AFAP1: variants seen among roughly 807,000 people sequenced by gnomAD.
AFAP1 encodes actin filament-associated protein 1.
AFAP1 carries 75 observed loss-of-function variants against 93.9 expected under a neutral mutation model. The ratio of observed to expected loss-of-function variants is 0.80; its 90% CI spans 0.66 to 0.97. The LOEUF (loss-of-function observed/expected upper bound fraction) is 0.97, where lower values mean the gene tolerates loss of function less well. Ranked by LOEUF, AFAP1 falls within the 50% of genes least tolerant of loss-of-function variation. The pLI is 0.00. For synonymous variants in AFAP1, 517 were observed against 430.7 expected, an observed-to-expected ratio of 1.20 and a Z score of -2.48; for missense variants, 1,201 against 1,050.8, an observed-to-expected ratio of 1.14 and a Z score of -1.98.
At chr4:7,899,673 G>A (rs4411970) in intron 1 of AFAP1, among the ~76,000 whole-genome samples, 19,255 of 152,116 alleles carry the variant, frequency 0.13, 1,402 homozygotes, top group Non-Finnish European at 0.17. Flanking sequence ...CCTGTTAATT[G>A]TGAAGGTGGC....
intron 1 of AFAP1, among the ~76,000 whole-genome samples, chr4:7,927,263 T>C (rs760200465): frequency 5.3e-5 from 8 of 152,068 alleles, no homozygotes; most frequent in Non-Finnish European, 7.4e-5. Flanking sequence ...AGCCCTAAGG[T>C]TTGGGTGTGC....
chr4:7,895,676 T>C (rs906795474), intron 1 of AFAP1, among the ~76,000 whole-genome samples: 1 of 152,124 alleles, frequency 6.6e-6, no homozygotes, highest in African/African-American at 2.4e-5. Context: ...CTCTCAGGAC[T>C]CAAGGACAGA....
At chr4:7,808,470 G>A (rs563430102) in intron 9 of AFAP1, among the ~76,000 whole-genome samples, 1 of 152,254 alleles carries the variant, frequency 6.6e-6, no homozygotes, top group Admixed American at 6.5e-5. Flanking sequence ...GCCATGGGGG[G>A]CCAGGGCTGT....
intron 4 of AFAP1, among the ~76,000 whole-genome samples, chr4:7,850,006 G>C (rs142180050): frequency 0.012 from 1,902 of 152,270 alleles, 25 homozygotes; most frequent in Admixed American, 0.024. Context: ...GTAAAGGGAC[G>C]AGGAGAGAAG....
intron 1 of AFAP1, among the ~76,000 whole-genome samples, chr4:7,896,833 C>A (rs1167618171): frequency 4.0e-5 from 6 of 150,906 alleles, no homozygotes; most frequent in Non-Finnish European, 5.9e-5. Context: ...ACTTCCCCCA[C>A]ACCCAATGCT....
intron 8 of AFAP1, among the ~76,000 whole-genome samples, chr4:7,812,222 CAG>C (rs1720106758): frequency 6.6e-6 from 1 of 152,076 alleles, no homozygotes. Context: ...ACCTGTTGGC[CAG>C]GACAGCCCGA....
At position 7,761,219 on chromosome 4, in the gene AFAP1, G is replaced by A. The variant is rs1455062467; in HGVS notation, c.*2546C>T. 1.3e-5 allele frequency: 2 copies of A among 152,238 alleles called. No homozygotes were observed. Among genetic ancestry groups the A allele is most frequent in the Non-Finnish European group, 2.9e-5 (2 of 68,044 alleles). The allele number at this position is 152,238 out of a possible 1,614,324, so 9.4% of individuals were successfully genotyped here. A position where few individuals can be genotyped will look rare whatever the true frequency, so the allele number is the denominator to read the frequency against. Reference sequence around the variant, plus strand: ...TGAAGTAAATGCTTTAAACTTTGATGGAATGTGAAATTTCAAGGGAGTATC... The same window carrying A: ...TGAAGTAAATGCTTTAAACTTTGATAGAATGTGAAATTTCAAGGGAGTATC... On this transcript the variant is annotated 3_prime_UTR_variant, in exon 18 of 18. Coordinates refer to ENST00000420658, the MANE Select transcript of AFAP1 (RefSeq NM_001134647.2).
In AFAP1 at chr4:7,786,257, G is replaced by A. The variant is rs778801317; in HGVS notation, c.1467C>T (p.Asn489=). ...CCGTCCCGCTGGGGTGGGCATAGCC[G>A]TTGGAGGTGCCCCCTAGATATGGGT... ...SANPYLGGTS[N]GYAHPSGTAL... Residue 489 remains asparagine, a synonymous_variant, in exon 12 of 18, where the codon AAC becomes AAT. Coordinates refer to ENST00000420658, the MANE Select transcript of AFAP1 (RefSeq NM_001134647.2). The A allele has an allele frequency of 7.7e-5, 124 of 1,614,168 alleles. No homozygotes were observed. Among genetic ancestry groups the A allele is most frequent in the Non-Finnish European group, 9.1e-5 (107 of 1,180,030 alleles).
intron 4 of AFAP1, among the ~76,000 whole-genome samples, chr4:7,853,888 C>T (rs1560200685): frequency 6.6e-6 from 1 of 152,126 alleles, no homozygotes; most frequent in African/African-American, 2.4e-5. Context: ...TCTCCTCATT[C>T]CCCAGGCGTG....
chr4:7,812,303 C>CA (rs1218242808), intron 8 of AFAP1, among the ~76,000 whole-genome samples: 3 of 152,092 alleles, frequency 2.0e-5, no homozygotes, highest in African/African-American at 7.2e-5. Context: ...TGGCCCCCCC[C>CA]AGAAAATGCA....
chr4:7,922,601 T>A (rs1368809239), intron 1 of AFAP1, among the ~76,000 whole-genome samples: 1 of 152,168 alleles, frequency 6.6e-6, no homozygotes, highest in Non-Finnish European at 1.5e-5. Flanking sequence ...ATGACAGGAA[T>A]GGAAACACTG....
Position 7,768,862 on chromosome 4 carries a change from A to G in AFAP1, c.2400T>C (p.His800=), listed in dbSNP as rs1714992257. 4 of 1,604,198 alleles carry G rather than the reference A, an allele frequency of 2.5e-6. No homozygotes were observed. Among genetic ancestry groups the G allele is most frequent in the Non-Finnish European group, 3.4e-6 (4 of 1,172,804 alleles). ...AAPGSSPCRG[H]VLRKAKEWEL... Reference sequence around the variant, plus strand: ...GGCTTACCTTGGCCTTCCGCAGCACATGCCCTCGGCAGGGGGAGCTGCCCG... The same window carrying G: ...GGCTTACCTTGGCCTTCCGCAGCACGTGCCCTCGGCAGGGGGAGCTGCCCG... The change falls in exon 17 of 18, where the codon CAT becomes CAC. Residue 800 remains histidine, a synonymous_variant. Transcript: ENST00000420658.
chr4:7,842,495 T>TA (rs1033658086), intron 5 of AFAP1, among the ~76,000 whole-genome samples: 124 of 151,162 alleles, frequency 8.2e-4, no homozygotes, highest in African/African-American at 2.7e-3. Flanking sequence ...CCATGGTTTC[T>TA]AAAAAAAAGG....
In AFAP1 at chr4:7,900,066, C is replaced by T. The variant is rs116098830; in HGVS notation, c.-2-27986G>A. Among the ~76,000 whole-genome samples the T allele has an allele frequency of 3.5e-3, 536 of 152,270 alleles. 6 individuals carry two copies. Among genetic ancestry groups the T allele is most frequent in the African/African-American group, 0.012 (513 of 41,550 alleles). Reference sequence around the variant, plus strand: ...CCCAGCAACTCTGCAAGGAGAACATCCAACATGTATTTGGCTAGAAATACA... The same window carrying T: ...CCCAGCAACTCTGCAAGGAGAACATTCAACATGTATTTGGCTAGAAATACA... On this transcript the variant is annotated intron_variant, in intron 1 of 17. Coordinates refer to ENST00000420658, the MANE Select transcript of AFAP1 (RefSeq NM_001134647.2).
intron 12 of AFAP1, among the ~76,000 whole-genome samples, chr4:7,783,957 G>GTT (rs1042769969): frequency 7.9e-5 from 12 of 152,336 alleles, no homozygotes; most frequent in African/African-American, 2.6e-4. Flanking sequence ...AAATCCAGTG[G>GTT]TAAGACTGTG....
intron 5 of AFAP1, among the ~76,000 whole-genome samples, chr4:7,841,114 A>G (rs1219236475): frequency 6.6e-6 from 1 of 152,244 alleles, no homozygotes; most frequent in Non-Finnish European, 1.5e-5. Flanking sequence ...AGCCGCCTCT[A>G]TAGCAGGCAG....
At chr4:7,875,397 T>C (rs898009636) in intron 1 of AFAP1, among the ~76,000 whole-genome samples, 11 of 152,228 alleles carry the variant, frequency 7.2e-5, no homozygotes, top group African/African-American at 2.4e-4. Context: ...TTGGACTAAG[T>C]ACACCTTTCA....
chr4:7,812,116 G>T (rs1266051275), intron 8 of AFAP1, among the ~76,000 whole-genome samples: 1 of 152,052 alleles, frequency 6.6e-6, no homozygotes, highest in African/African-American at 2.4e-5. Context: ...AAACCAAGAG[G>T]GACAGCAACA....
At chr4:7,773,134 G>C (rs1715674926) in intron 15 of AFAP1, 124 bp from the exon 16 acceptor site, 4 of 1,407,920 alleles carry the variant, frequency 2.8e-6, no homozygotes, top group Non-Finnish European at 3.7e-6. Context: ...CCTGACTTAG[G>C]TCCTCGTTGT....
Sources: gnomAD v4.1 joint callset for allele counts (sites outside exome capture counted in the v4.1 genomes callset) on GRCh38, gnomAD v4.1.1 for gene constraint, MANE v1.5 for transcripts, NCBI Gene and HGNC (gene_info 2026-07-23, HGNC 2026-07-21) for gene names.